Variants in FAM193A observed in about 807,000 individuals in gnomAD.
The protein encoded by FAM193A is protein FAM193A.
Under a neutral mutation model 126.5 loss-of-function variants are expected in FAM193A, and 22 were observed. The observed-to-expected ratio is 0.17, with a 90% CI of 0.12 to 0.25. FAM193A has a LOEUF of 0.25. Ranked by LOEUF, FAM193A falls within the 10% of genes least tolerant of loss-of-function variation. The probability of loss-of-function intolerance (pLI) is 1.00; values close to 1 mark genes in which losing one functional copy is unlikely to be tolerated. For missense variants in FAM193A, 1,675 were observed against 1,672.8 expected (o/e 1.00, Z -0.02); for synonymous variants, 761 against 646.8 (o/e 1.18, Z -2.68).
rs753371356 is a variant in FAM193A, at chr4:2,663,305, T to G, written c.2079+17T>G. 5 of 1,539,108 alleles carry G rather than the reference T, an allele frequency of 3.2e-6. No homozygotes were observed. The highest frequency in any genetic ancestry group is 4.6e-5 in the East Asian group (2 of 43,750). On this transcript the variant is annotated intron_variant, in intron 12 of 20. Transcript: ENST00000637812. ...ACACAGCAGGTAGGACTTTGCTTGC[T>G]GTTTTGCCAAGGATCTCTTTTTCTG... is the stretch of plus-strand genomic sequence containing the variant.
chr4:2,716,812 G>A (rs1217605306), intron 20 of FAM193A, among the ~76,000 whole-genome samples: 2 of 151,956 alleles, frequency 1.3e-5, no homozygotes, highest in Non-Finnish European at 1.5e-5. Flanking sequence ...GACTAGCTGG[G>A]ATTACAGGCG....
In FAM193A at chr4:2,590,491, A is replaced by C. The variant is rs1466779733; in HGVS notation, c.256-5593A>C. On this transcript the variant is annotated intron_variant, in intron 1 of 20. Transcript: ENST00000637812. ...AAAAAAAAAACAAAAAAAAACAAAA[A>C]AAAACAAAAAAAAACAAAAAAAAAA... 1.4e-4 allele frequency among the ~76,000 whole-genome samples: 14 copies of C among 102,724 alleles called. 1 individual carries two copies. Among genetic ancestry groups the C allele is most frequent in the African/African-American group, 9.3e-4 (14 of 15,120 alleles). The allele number at this position is 102,724 out of a possible 152,430, so 67.4% of individuals were successfully genotyped here.
intron 2 of FAM193A, among the ~76,000 whole-genome samples, chr4:2,600,334 G>A (rs868599639): frequency 2.6e-5 from 4 of 152,324 alleles, no homozygotes; most frequent in Middle Eastern, 6.8e-3. Flanking sequence ...GTGGCTCTCA[G>A]GCAAAGGCCC....
chr4:2,557,960 A>C (rs1375704450), intron 1 of FAM193A, among the ~76,000 whole-genome samples: 1 of 152,048 alleles, frequency 6.6e-6, no homozygotes, highest in African/African-American at 2.4e-5. Context: ...TCAAAAAAAA[A>C]AAAAGTTAAC....
chr4:2,645,843 C>T lies in FAM193A; in HGVS notation c.1164-842C>T, dbSNP rs561026205. Among the ~76,000 whole-genome samples, 4 of 152,268 alleles carry T rather than the reference C, an allele frequency of 2.6e-5. No individual in the cohort carries two copies. The East Asian group carries it at 5.8e-4, about 22-fold the overall frequency. Reference sequence around the variant, plus strand: ...CACCTGACCGCCGTCTTTCTTAATACAATATAATATAGTAGACAGAAAACT... The same window carrying T: ...CACCTGACCGCCGTCTTTCTTAATATAATATAATATAGTAGACAGAAAACT... On this transcript the variant is annotated intron_variant, in intron 6 of 20. Coordinates refer to ENST00000637812, the MANE Select transcript of FAM193A (RefSeq NM_001366318.2).
At chr4:2,550,950 G>A (rs931111539) in intron 1 of FAM193A, among the ~76,000 whole-genome samples, 1 of 151,864 alleles carries the variant, frequency 6.6e-6, no homozygotes, top group Non-Finnish European at 1.5e-5. Flanking sequence ...GCAGGCGTCC[G>A]CCACCACACC....
chr4:2,598,954 C>G (rs1398560336), intron 2 of FAM193A, among the ~76,000 whole-genome samples: 1 of 152,212 alleles, frequency 6.6e-6, no homozygotes, highest in Non-Finnish European at 1.5e-5. Flanking sequence ...CACCTCTGCC[C>G]GGTGGCAGCC....
chr4:2,574,503 C>T (rs541741338), intron 1 of FAM193A, among the ~76,000 whole-genome samples: 1 of 152,278 alleles, frequency 6.6e-6, no homozygotes, highest in East Asian at 1.9e-4. Flanking sequence ...GTACTGTAGA[C>T]ATTTGACCCC....
intron 13 of FAM193A, among the ~76,000 whole-genome samples, chr4:2,681,366 T>C (rs1715100022): frequency 6.6e-6 from 1 of 152,214 alleles, no homozygotes; most frequent in Non-Finnish European, 1.5e-5. Context: ...TGCTCTAAAT[T>C]ACCTTTCTTC....
At chr4:2,635,428 A>G (rs1743994174) in intron 5 of FAM193A, among the ~76,000 whole-genome samples, 1 of 152,248 alleles carries the variant, frequency 6.6e-6, no homozygotes, top group African/African-American at 2.4e-5. Flanking sequence ...TTGTCATTTT[A>G]AAAATGTAAA....
chr4:2,619,746 C>A (rs898312255), intron 2 of FAM193A, among the ~76,000 whole-genome samples: 26 of 152,132 alleles, frequency 1.7e-4, no homozygotes, highest in African/African-American at 6.0e-4. Context: ...AGTGCAGTGG[C>A]ACGATCTAGT....
At chr4:2,625,229 T>C in intron 2 of FAM193A, 33 bp from the exon 3 acceptor site, 1 of 656,758 alleles carries the variant, frequency 1.5e-6, no homozygotes, top group East Asian at 2.8e-5. Flanking sequence ...CATTTTAACA[T>C]AACTGGTCTA....
chr4:2,645,017 T>C lies in FAM193A; in HGVS notation c.1164-1668T>C, dbSNP rs1048252896. Among the ~76,000 whole-genome samples the C allele has an allele frequency of 2.9e-5, 4 of 138,482 alleles. 1 individual carries two copies. In the Admixed American group the frequency reaches 3.2e-4, roughly 11 times the overall value. 90.8% of individuals were successfully genotyped at this position (138,482 alleles called of 152,430 possible). A position where few individuals can be genotyped will look rare whatever the true frequency, so the allele number is the denominator to read the frequency against. On this transcript the variant is annotated intron_variant, in intron 6 of 20. Coordinates refer to ENST00000637812, the MANE Select transcript of FAM193A (RefSeq NM_001366318.2). Reference sequence around the variant, plus strand: ...GCATATTTCCATTTCAAAATATATATGTGTATATATACATGAATGTGTGTG... The same window carrying C: ...GCATATTTCCATTTCAAAATATATACGTGTATATATACATGAATGTGTGTG...
chr4:2,670,994 G>A (rs901682808), intron 12 of FAM193A, among the ~76,000 whole-genome samples: 3 of 152,012 alleles, frequency 2.0e-5, no homozygotes, highest in African/African-American at 7.2e-5. Context: ...TTTTTAGTTT[G>A]GCTTCTAGAG....
At chr4:2,630,866 A>G in intron 4 of FAM193A, 69 bp from the exon 5 acceptor site, 2 of 842,730 alleles carry the variant, frequency 2.4e-6, no homozygotes, top group East Asian at 5.1e-5. Context: ...TTCAGAAAAG[A>G]TGCTCACTGA....
chr4:2,586,488 C>G (rs1378023067), intron 1 of FAM193A, among the ~76,000 whole-genome samples: 1 of 151,940 alleles, frequency 6.6e-6, no homozygotes, highest in Non-Finnish European at 1.5e-5. Flanking sequence ...ATTTAAAAGG[C>G]CATTCTTTCC....
chr4:2,724,071 G>A (rs920546553), intron 20 of FAM193A, among the ~76,000 whole-genome samples: 4 of 151,070 alleles, frequency 2.6e-5, no homozygotes, highest in Non-Finnish European at 5.9e-5. Context: ...AATTGACAAA[G>A]TATTTTATTA....
At chr4:2,680,363 C>G (rs1324728684) in intron 13 of FAM193A, among the ~76,000 whole-genome samples, 1 of 152,192 alleles carries the variant, frequency 6.6e-6, no homozygotes, top group Non-Finnish European at 1.5e-5. Flanking sequence ...CTCTGTCACC[C>G]AGGCAGGAGT....
At chr4:2,639,935 C>T (rs753191703) in intron 6 of FAM193A, 76 bp downstream of exon 6, 57 of 1,390,182 alleles carry the variant, frequency 4.1e-5, no homozygotes, top group Non-Finnish European at 5.2e-5. Flanking sequence ...TGCGTGTACC[C>T]GAGTACCACT....
Sources: allele counts gnomAD v4.1 joint callset (sites outside exome capture counted in the v4.1 genomes callset), GRCh38; gene constraint gnomAD v4.1.1; transcripts MANE v1.5; gene names NCBI Gene and HGNC (gene_info 2026-07-23, HGNC 2026-07-21).